Variants in PARVA observed in about 807,000 individuals in gnomAD.
PARVA encodes parvin alpha, also known as alpha-parvin.
A neutral mutation model predicts 52.6 loss-of-function variants in PARVA; 25 were observed. The observed-to-expected ratio is 0.48, with a 90% confidence interval of 0.35 to 0.66. PARVA has a LOEUF of 0.66. Among genes scored for constraint, PARVA ranks in the 30% least tolerant of loss-of-function variants. The pLI is 0.01. For synonymous variants in PARVA, 185 were observed against 179.1 expected (o/e 1.03, Z -0.26); for missense variants, 373 against 450.9 (o/e 0.83, Z 1.56).
At position 12,462,037 on chromosome 11, in the gene PARVA, T is replaced by C. The variant is rs578011290; in HGVS notation, c.137-11708T>C. ...CCTTTTAGTTAAATGTAGTAAAACTTCTCTTGTTTAAGGGACTGGGTTGGG... is the reference window on the plus strand; with the variant it reads ...CCTTTTAGTTAAATGTAGTAAAACTCCTCTTGTTTAAGGGACTGGGTTGGG... On this transcript the variant is annotated intron_variant, in intron 1 of 12. Transcript: ENST00000334956. Among the ~76,000 whole-genome samples, 69 of 152,240 alleles carry C rather than the reference T, an allele frequency of 4.5e-4. 1 individual carries two copies. Among genetic ancestry groups the C allele is most frequent in the African/African-American group, 1.5e-3 (63 of 41,562 alleles).
rs77595078 is a variant in PARVA at position 12,489,912 on chromosome 11, G to A, written c.401-6546G>A. ...AGCCAAAAAAACTGTTAGGAGAGGC[G>A]GCTTTAAAAAGTTAGGAGAGGCAGC... is the stretch of plus-strand genomic sequence containing the variant. On this transcript the variant is annotated intron_variant, in intron 4 of 12. Transcript: ENST00000334956. Among the ~76,000 whole-genome samples, 1,289 of 152,228 alleles carry A rather than the reference G, an allele frequency of 8.5e-3. 18 individuals carry two copies. Among genetic ancestry groups the A allele is most frequent in the African/African-American group, 0.029 (1,220 of 41,548 alleles).
In PARVA at chr11:12,514,105, GC is replaced by G. The variant is rs758528578; in HGVS notation, c.867+43del. 3 of 1,517,574 alleles carry G rather than the reference GC, an allele frequency of 2.0e-6. No homozygotes were observed. In the Admixed American group the frequency reaches 5.0e-5, roughly 25 times the overall value. 94.0% of individuals were successfully genotyped at this position (1,517,574 alleles called of 1,614,324 possible). ...CCAGCACAGGTAGAGGCAGGGCCCTGCCCTACAGCCCCTGTTCCAAGTGGCC... is the reference window on the plus strand; with the variant it reads ...CCAGCACAGGTAGAGGCAGGGCCCTGCCTACAGCCCCTGTTCCAAGTGGCC... On this transcript the variant is annotated intron_variant, in intron 10 of 12. Transcript: ENST00000334956.
chr11:12,393,402 G>A (rs1473883850), intron 1 of PARVA, among the ~76,000 whole-genome samples: 3 of 151,902 alleles, frequency 2.0e-5, no homozygotes, highest in Non-Finnish European at 4.4e-5. Context: ...GATAACATTA[G>A]CTGCTGTAAC....
In PARVA at chr11:12,528,049, C is replaced by T; in HGVS notation, c.*124C>T. On this transcript the variant is annotated 3_prime_UTR_variant, in exon 13 of 13. Coordinates refer to ENST00000334956, the MANE Select transcript of PARVA (RefSeq NM_018222.5). Reference sequence around the variant, plus strand: ...CTGTGCTCTCCCACAAGTCCAGCTGCAACCCAGAGATAGTGGAAACTGAAA... The same window carrying T: ...CTGTGCTCTCCCACAAGTCCAGCTGTAACCCAGAGATAGTGGAAACTGAAA... 2 of 745,744 alleles carry T rather than the reference C, an allele frequency of 2.7e-6. No homozygotes were observed. Among genetic ancestry groups the T allele is most frequent in the South Asian group, 3.0e-5 (2 of 66,622 alleles). 46.2% of individuals were successfully genotyped at this position (745,744 alleles called of 1,614,324 possible).
intron 4 of PARVA, among the ~76,000 whole-genome samples, chr11:12,486,416 C>T (rs1306947103): frequency 6.6e-6 from 1 of 151,924 alleles, no homozygotes; most frequent in Non-Finnish European, 1.5e-5. Context: ...ACCTGTAATC[C>T]CAGCTACTTG....
At chr11:12,511,914 C>T (rs1016397854) in intron 8 of PARVA, among the ~76,000 whole-genome samples, 1 of 152,156 alleles carries the variant, frequency 6.6e-6, no homozygotes, top group Non-Finnish European at 1.5e-5. Flanking sequence ...CTTGCCAGTG[C>T]ACTACTTGCA....
In PARVA at chr11:12,528,507, T is replaced by C. The variant is rs951865410; in HGVS notation, c.*582T>C. On this transcript the variant is annotated 3_prime_UTR_variant, in exon 13 of 13. Coordinates refer to ENST00000334956, the MANE Select transcript of PARVA (RefSeq NM_018222.5). ...TGAGTCCAATCATCAAGGTTTTGCT[T>C]TTCTTTTTAGCTAAGTATGCATTCC... 2 of 155,188 alleles carry C rather than the reference T, an allele frequency of 1.3e-5. No homozygotes were observed. Among genetic ancestry groups the C allele is most frequent in the Non-Finnish European group, 2.9e-5 (2 of 69,780 alleles). 9.6% of individuals were successfully genotyped at this position (155,188 alleles called of 1,614,324 possible). A position where few individuals can be genotyped will look rare whatever the true frequency, so the allele number is the denominator to read the frequency against.
intron 1 of PARVA, among the ~76,000 whole-genome samples, chr11:12,434,719 G>A (rs1051727544): frequency 6.6e-6 from 1 of 152,078 alleles, no homozygotes; most frequent in African/African-American, 2.4e-5. Flanking sequence ...ACCCAGCCTG[G>A]TTATCTGTTG....
At chr11:12,404,561 T>C (rs1939875256) in intron 1 of PARVA, among the ~76,000 whole-genome samples, 1 of 152,240 alleles carries the variant, frequency 6.6e-6, no homozygotes, top group African/African-American at 2.4e-5. Flanking sequence ...TCTTCTGCAG[T>C]TGGGCTATCC....
At chr11:12,457,774 G>T (rs534191481) in intron 1 of PARVA, among the ~76,000 whole-genome samples, 3 of 145,234 alleles carry the variant, frequency 2.1e-5, no homozygotes, top group African/African-American at 5.0e-5. Flanking sequence ...TCAAAATAGT[G>T]GGGGGAGACA....
chr11:12,513,847 G>A lies in PARVA; in HGVS notation c.799-150G>A, dbSNP rs533074390. 2.7e-5 allele frequency: 18 copies of A among 673,274 alleles called. No individual in the cohort carries two copies. The East Asian group carries it at 4.1e-4, about 15-fold the overall frequency. 41.7% of individuals were successfully genotyped at this position (673,274 alleles called of 1,614,324 possible). The stretch of plus-strand genomic sequence containing the variant: ...CCTCCCTGTGCACTCAATGGCCTTT[G>A]CAGAGAGAGCTCCTGGGCCCAGGGC... On this transcript the variant is annotated intron_variant, in intron 9 of 12. Coordinates refer to ENST00000334956, the MANE Select transcript of PARVA (RefSeq NM_018222.5).
At chr11:12,443,053 G>C (rs776189772) in intron 1 of PARVA, among the ~76,000 whole-genome samples, 92 of 151,904 alleles carry the variant, frequency 6.1e-4, no homozygotes, top group Non-Finnish European at 1.2e-3. Context: ...AGTACAGATG[G>C]GGTTTCACCG....
At chr11:12,416,815 C>G (rs538024608) in intron 1 of PARVA, among the ~76,000 whole-genome samples, 4 of 151,302 alleles carry the variant, frequency 2.6e-5, no homozygotes, top group South Asian at 2.1e-4. Context: ...GGGGAGGGCA[C>G]GAGGGCAGAG....
intron 1 of PARVA, among the ~76,000 whole-genome samples, chr11:12,438,665 C>G (rs1940421744): frequency 6.6e-6 from 1 of 152,176 alleles, no homozygotes; most frequent in Admixed American, 6.5e-5. Flanking sequence ...CCTACTTTGT[C>G]TCCAGCTTCA....
At chr11:12,408,886 G>T (rs566151692) in intron 1 of PARVA, among the ~76,000 whole-genome samples, 20 of 152,204 alleles carry the variant, frequency 1.3e-4, no homozygotes, top group Admixed American at 2.6e-4. Context: ...AGTGGGGATT[G>T]GAATAGTGAA....
chr11:12,516,949 C>A (rs1170120326), intron 10 of PARVA, among the ~76,000 whole-genome samples: 2 of 152,148 alleles, frequency 1.3e-5, no homozygotes, highest in Non-Finnish European at 2.9e-5. Context: ...AACAGCTGCA[C>A]TCTGCTGCTG....
chr11:12,528,553 ATG>A lies in PARVA; in HGVS notation c.*630_*631del. 6.5e-6 allele frequency: 1 copy of A among 153,286 alleles called. No homozygotes were observed. The highest frequency in any genetic ancestry group is 6.5e-5 in the Admixed American group (1 of 15,484). 9.5% of individuals were successfully genotyped at this position (153,286 alleles called of 1,614,324 possible). A position where few individuals can be genotyped will look rare whatever the true frequency, so the allele number is the denominator to read the frequency against. ...ATTCCTCAATAGTAGACAGTACAAC[ATG>A]TTTATAACAAGCCAATTACATTATG... On this transcript the variant is annotated 3_prime_UTR_variant, in exon 13 of 13. Transcript: ENST00000334956.
At chr11:12,434,261 C>T (rs1470916913) in intron 1 of PARVA, among the ~76,000 whole-genome samples, 5 of 152,200 alleles carry the variant, frequency 3.3e-5, no homozygotes, top group Admixed American at 2.6e-4. Flanking sequence ...TGCAGCCCTG[C>T]GCTCCCTGAG....
At chr11:12,438,199 A>T (rs1324946445) in intron 1 of PARVA, among the ~76,000 whole-genome samples, 1 of 151,506 alleles carries the variant, frequency 6.6e-6, no homozygotes, top group Non-Finnish European at 1.5e-5. Flanking sequence ...GGCGGAGCTT[A>T]CAGTGAGCAG....
Sources: allele counts gnomAD v4.1 joint callset (sites outside exome capture counted in the v4.1 genomes callset), GRCh38; gene constraint gnomAD v4.1.1; transcripts MANE v1.5; gene names NCBI Gene and HGNC (gene_info 2026-07-23, HGNC 2026-07-21).